Variants in IFT88 observed in about 807,000 individuals in gnomAD.
The protein encoded by IFT88 is intraflagellar transport 88.
A neutral mutation model predicts 119.5 loss-of-function variants in IFT88; 74 were observed. The ratio of observed to expected loss-of-function variants is 0.62; its 90% CI spans 0.51 to 0.75. The LOEUF is 0.75. IFT88 is among the 30% of genes least tolerant of loss of function. IFT88 has a pLI of 0.00. For missense variants in IFT88, 961 were observed against 977.7 expected, an observed-to-expected ratio of 0.98 and a Z score of 0.23; for synonymous variants, 279 against 316.7, an observed-to-expected ratio of 0.88 and a Z score of 1.26.
intron 17 of IFT88, among the ~76,000 whole-genome samples, chr13:20,640,053 G>A (rs2049639000): frequency 6.6e-6 from 1 of 151,780 alleles, no homozygotes; most frequent in Non-Finnish European, 1.5e-5. Context: ...GCCTCCCAAA[G>A]TGATGGGATT....
Position 20,626,590 on chromosome 13 carries a change from A to T in IFT88, c.1299+741A>T, listed in dbSNP as rs539700150. On this transcript the variant is annotated intron_variant, in intron 15 of 25. Coordinates refer to ENST00000351808, the MANE Select transcript of IFT88 (RefSeq NM_006531.5). The stretch of plus-strand genomic sequence containing the variant: ...TTATGTGTTTGGTTTCCTCATTGAC[A>T]CTGCATTGGGATTGGAAGGGTCTCA... Among the ~76,000 whole-genome samples the T allele has an allele frequency of 3.3e-5, 5 of 152,038 alleles. No homozygotes were observed. The East Asian group carries it at 9.7e-4, about 29-fold the overall frequency.
intron 14 of IFT88, among the ~76,000 whole-genome samples, chr13:20,619,461 A>G (rs2046158348): frequency 6.6e-6 from 1 of 152,200 alleles, no homozygotes; most frequent in African/African-American, 2.4e-5. Context: ...TAAAAGCATC[A>G]TATAAATGGA....
At chr13:20,634,274 A>G (rs1278582106) in intron 16 of IFT88, among the ~76,000 whole-genome samples, 2 of 152,202 alleles carry the variant, frequency 1.3e-5, no homozygotes, top group Non-Finnish European at 2.9e-5. Flanking sequence ...GGTGTGATCC[A>G]CTGGAGTCAT....
intron 24 of IFT88, among the ~76,000 whole-genome samples, chr13:20,674,715 T>TG (rs1566450122): frequency 2.6e-5 from 1 of 38,388 alleles, no homozygotes; most frequent in African/African-American, 8.7e-5. Context: ...TATATATATA[T>TG]ATATATATAT....
intron 2 of IFT88, among the ~76,000 whole-genome samples, chr13:20,576,169 T>C (rs901637395): frequency 2.0e-5 from 3 of 152,226 alleles, no homozygotes; most frequent in African/African-American, 7.2e-5. Context: ...GTATGTCTTC[T>C]TTTTAGAAAT....
At chr13:20,637,884 G>C (rs1249811746) in intron 16 of IFT88, among the ~76,000 whole-genome samples, 2 of 152,158 alleles carry the variant, frequency 1.3e-5, no homozygotes, top group Admixed American at 6.5e-5. Flanking sequence ...ATGATGGCAA[G>C]GCCCTGACCG....
intron 3 of IFT88, among the ~76,000 whole-genome samples, chr13:20,585,789 T>C (rs914025170): frequency 2.0e-5 from 3 of 152,260 alleles, no homozygotes; most frequent in Admixed American, 6.5e-5. Context: ...AATTCTTCAC[T>C]ACACATTCTA....
rs554106320 is a variant in IFT88, at chr13:20,671,005, C to T, written c.2208C>T (p.Gly736=). Residue 736 remains glycine, a synonymous_variant, in exon 24 of 26, where the codon GGC becomes GGT. Transcript: ENST00000351808. The part of the protein sequence containing the change: ...RIKSGRDGSG[G]SRGKREGSAS... ...AGTCAGGCAGAGATGGCAGTGGGGG[C>T]TCCCGTGGCAAAAGAGAAGGAAGTG... The T allele has an allele frequency of 3.1e-6, 5 of 1,613,914 alleles. No homozygotes were observed. In the South Asian group the frequency reaches 4.4e-5, roughly 14 times the overall value.
chr13:20,606,408 C>T (rs1296295653), intron 13 of IFT88, among the ~76,000 whole-genome samples: 1 of 152,180 alleles, frequency 6.6e-6, no homozygotes, highest in Admixed American at 6.5e-5. Flanking sequence ...ACAAGGACCC[C>T]TCTGCCTATT....
At chr13:20,606,739 C>T (rs1359362057) in intron 13 of IFT88, among the ~76,000 whole-genome samples, 1 of 151,998 alleles carries the variant, frequency 6.6e-6, no homozygotes, top group Non-Finnish European at 1.5e-5. Context: ...ATTAGCCAGG[C>T]ATGGTGGCAT....
chr13:20,571,897 C>T (rs1051615035), intron 1 of IFT88, among the ~76,000 whole-genome samples: 2 of 152,188 alleles, frequency 1.3e-5, no homozygotes, highest in Non-Finnish European at 2.9e-5. Context: ...GAATTCCATT[C>T]TTCAAGCAAT....
intron 24 of IFT88, among the ~76,000 whole-genome samples, chr13:20,681,872 T>A (rs2057359720): frequency 6.6e-6 from 1 of 152,234 alleles, no homozygotes; most frequent in East Asian, 1.9e-4. Context: ...CTGGAAAACT[T>A]TACGTTTTGA....
chr13:20,643,862 T>A (rs1317510171), intron 19 of IFT88, among the ~76,000 whole-genome samples: 1 of 152,198 alleles, frequency 6.6e-6, no homozygotes, highest in Non-Finnish European at 1.5e-5. Context: ...TAAGCAATTC[T>A]CTTGCCTCAG....
intron 20 of IFT88, among the ~76,000 whole-genome samples, chr13:20,652,644 A>G (rs1429077472): frequency 1.3e-5 from 2 of 152,082 alleles, no homozygotes; most frequent in African/African-American, 4.8e-5. Context: ...ATACTATATG[A>G]TTGTATTCAT....
intron 14 of IFT88, among the ~76,000 whole-genome samples, chr13:20,616,615 A>G (rs2045649865): frequency 1.3e-5 from 2 of 152,224 alleles, no homozygotes; most frequent in Admixed American, 6.5e-5. Context: ...TATTTGCACA[A>G]TGATGAAATT....
intron 22 of IFT88, among the ~76,000 whole-genome samples, chr13:20,661,734 TAAAAAAA>T (rs10544629): frequency 2.1e-5 from 3 of 143,790 alleles, no homozygotes; most frequent in Non-Finnish European, 4.6e-5. Context: ...GACTCCATCT[TAAAAAAA>T]AAAAAAAATT....
At chr13:20,577,779 CA>C (rs1468012221) in intron 2 of IFT88, among the ~76,000 whole-genome samples, 1 of 152,080 alleles carries the variant, frequency 6.6e-6, no homozygotes, top group Non-Finnish European at 1.5e-5. Flanking sequence ...AGGATTTTTG[CA>C]TCAATGTTCA....
At chr13:20,569,314 C>G (rs898560193) in intron 1 of IFT88, among the ~76,000 whole-genome samples, 1 of 152,082 alleles carries the variant, frequency 6.6e-6, no homozygotes, top group African/African-American at 2.4e-5. Context: ...TGGCTCACGC[C>G]TGTAATCCCA....
chr13:20,624,319 T>G (rs1594339680), intron 14 of IFT88, among the ~76,000 whole-genome samples: 1 of 152,118 alleles, frequency 6.6e-6, no homozygotes, highest in Non-Finnish European at 1.5e-5. Flanking sequence ...AGAAGGGGCA[T>G]GGAGCTGCCA....
Sources: gnomAD v4.1 joint callset for allele counts (sites outside exome capture counted in the v4.1 genomes callset) on GRCh38, gnomAD v4.1.1 for gene constraint, MANE v1.5 for transcripts, NCBI Gene and HGNC (gene_info 2026-07-23, HGNC 2026-07-21) for gene names.